The following ACACA variants were observed in gnomAD, a reference collection of about 807,000 sequenced individuals.
ACACA encodes the protein acetyl-CoA carboxylase 1.
Under a neutral mutation model 296.1 loss-of-function variants are expected in ACACA, and 103 were observed. That is an observed-to-expected ratio of 0.35 (90% CI 0.30 to 0.41). The LOEUF (loss-of-function observed/expected upper bound fraction) is 0.41. Among genes scored for constraint, ACACA ranks in the 10% least tolerant of loss-of-function variants. ACACA has a pLI of 1.00. For missense variants in ACACA, 1,554 were observed against 2,989.7 expected (o/e 0.52, Z 11.20); for synonymous variants, 953 against 1,038.6 (o/e 0.92, Z 1.58).
At chr17:37,109,062 C>T (rs1378454350) in intron 52 of ACACA, among the ~76,000 whole-genome samples, 2 of 152,150 alleles carry the variant, frequency 1.3e-5, no homozygotes, top group Non-Finnish European at 2.9e-5. Context: ...ACCATTTTCA[C>T]CCACTTTGTG....
intron 42 of ACACA, among the ~76,000 whole-genome samples, chr17:37,157,432 AT>A (rs1300856651): frequency 6.6e-6 from 1 of 151,422 alleles, no homozygotes; most frequent in Non-Finnish European, 1.5e-5. Context: ...CAACTATATG[AT>A]CTTTGGCTTT....
intron 33 of ACACA, among the ~76,000 whole-genome samples, chr17:37,202,265 A>C (rs548999922): frequency 3.9e-5 from 6 of 152,326 alleles, no homozygotes; most frequent in Non-Finnish European, 8.8e-5. Context: ...TTAAAATCAA[A>C]ATTGTTATTG....
At chr17:37,275,617 T>C (rs556577466) in intron 8 of ACACA, among the ~76,000 whole-genome samples, 2 of 152,108 alleles carry the variant, frequency 1.3e-5, no homozygotes, top group South Asian at 4.1e-4. Flanking sequence ...GAAGACCCAA[T>C]TCCCCCTGGG....
At chr17:37,106,837 G>T (rs1407415908) in intron 52 of ACACA, among the ~76,000 whole-genome samples, 4 of 151,462 alleles carry the variant, frequency 2.6e-5, no homozygotes, top group Admixed American at 2.6e-4. Context: ...GGTCCCTCTG[G>T]CCATACAGAA....
At chr17:37,314,821 A>G (rs1249312149) in intron 3 of ACACA, among the ~76,000 whole-genome samples, 1 of 150,602 alleles carries the variant, frequency 6.6e-6, no homozygotes, top group Admixed American at 6.7e-5. Flanking sequence ...TTGTATCTTT[A>G]GTAGAGACGT....
intron 1 of ACACA, among the ~76,000 whole-genome samples, chr17:37,356,362 A>G (rs1230169871): frequency 6.6e-6 from 1 of 151,840 alleles, no homozygotes; most frequent in African/African-American, 2.4e-5. Flanking sequence ...TACTTGACAC[A>G]TAGCTCCTAT....
At chr17:37,209,661 G>A (rs1002255109) in intron 30 of ACACA, among the ~76,000 whole-genome samples, 1 of 152,210 alleles carries the variant, frequency 6.6e-6, no homozygotes, top group African/African-American at 2.4e-5. Flanking sequence ...ATTTTAAAGG[G>A]AGAGGGACAA....
Position 37,406,652 on chromosome 17 carries a change from C to A in ACACA, c.-353G>T. 1 of 477,396 alleles carries A rather than the reference C, an allele frequency of 2.1e-6. No individual in the cohort carries two copies. Among genetic ancestry groups the A allele is most frequent in the Non-Finnish European group, 3.8e-6 (1 of 261,580 alleles). 29.6% of individuals were successfully genotyped at this position (477,396 alleles called of 1,614,324 possible). A position where few individuals can be genotyped will look rare whatever the true frequency, so the allele number is the denominator to read the frequency against. ...AGGAAGCCTCAGGCAACGGGCCACG[C>A]GCCACACGGGCAAAGTGATTACTGG... On this transcript the variant is annotated 5_prime_UTR_variant, in exon 1 of 56. Transcript: ENST00000616317.
At chr17:37,401,519 G>C (rs535410071) in intron 1 of ACACA, among the ~76,000 whole-genome samples, 237 of 150,814 alleles carry the variant, frequency 1.6e-3, no homozygotes, top group African/African-American at 5.6e-3. Flanking sequence ...CTGATGTAGG[G>C]GTCGTGAATA....
intron 25 of ACACA, among the ~76,000 whole-genome samples, chr17:37,230,252 T>C (rs968471668): frequency 1.3e-4 from 19 of 151,246 alleles, no homozygotes; most frequent in Admixed American, 2.6e-4. Flanking sequence ...GGTGCAGTGG[T>C]GCATGCCTGT....
At chr17:37,238,705 T>A (rs2145900828) in intron 24 of ACACA, among the ~76,000 whole-genome samples, 1 of 152,334 alleles carries the variant, frequency 6.6e-6, no homozygotes, top group African/African-American at 2.4e-5. Context: ...ACCTTGATAA[T>A]TTATTTAAAT....
intron 41 of ACACA, 97 bp from the exon 42 acceptor site, chr17:37,162,147 AT>A: frequency 7.4e-7 from 1 of 1,345,924 alleles, no homozygotes; most frequent in Non-Finnish European, 1.1e-6. Flanking sequence ...AGGCACAGCC[AT>A]TATGTAAAGA....
intron 1 of ACACA, among the ~76,000 whole-genome samples, chr17:37,382,835 G>A (rs2050361740): frequency 1.3e-5 from 2 of 152,032 alleles, no homozygotes; most frequent in Non-Finnish European, 2.9e-5. Context: ...ACTCCAGCCT[G>A]GCGACAGAGC....
intron 29 of ACACA, among the ~76,000 whole-genome samples, chr17:37,219,650 A>C (rs970730582): frequency 6.7e-6 from 1 of 149,992 alleles, no homozygotes; most frequent in Admixed American, 6.7e-5. Context: ...ATTTGGGGGA[A>C]AAATATATTT....
At chr17:37,128,413 T>C (rs1206754658) in intron 47 of ACACA, among the ~76,000 whole-genome samples, 1 of 151,582 alleles carries the variant, frequency 6.6e-6, no homozygotes, top group Admixed American at 6.6e-5. Flanking sequence ...GTCTTCCTTA[T>C]GAAGACCTCT....
chr17:37,212,282 C>A (rs1001231952), intron 29 of ACACA, among the ~76,000 whole-genome samples: 18 of 152,254 alleles, frequency 1.2e-4, no homozygotes, highest in African/African-American at 3.9e-4. Flanking sequence ...CACAGGATGA[C>A]GGCCATGTTT....
chr17:37,289,135 C>T (rs1051376817), intron 3 of ACACA, among the ~76,000 whole-genome samples: 1 of 151,870 alleles, frequency 6.6e-6, no homozygotes, highest in African/African-American at 2.4e-5. Context: ...TGGTGGCAGG[C>T]GCCTGTAGTC....
At chr17:37,093,496 T>C (rs2072781734) in intron 54 of ACACA, among the ~76,000 whole-genome samples, 1 of 152,106 alleles carries the variant, frequency 6.6e-6, no homozygotes, top group Non-Finnish European at 1.5e-5. Context: ...AGACATTGTG[T>C]TCCATACTTT....
chr17:37,195,252 CATTT>C (rs1166200368), intron 35 of ACACA, among the ~76,000 whole-genome samples: 1 of 152,070 alleles, frequency 6.6e-6, no homozygotes, highest in Non-Finnish European at 1.5e-5. Flanking sequence ...TTTAGGATGC[CATTT>C]ATTTAATTAT....
Sources: gnomAD v4.1 joint callset for allele counts (sites outside exome capture counted in the v4.1 genomes callset) on GRCh38, gnomAD v4.1.1 for gene constraint, MANE v1.5 for transcripts, NCBI Gene and HGNC (gene_info 2026-07-23, HGNC 2026-07-21) for gene names.